CNTN1: variants seen among roughly 807,000 people sequenced by gnomAD.
CNTN1 encodes the protein contactin-1.
CNTN1 carries 38 observed loss-of-function variants against 126.4 expected under a neutral mutation model. The observed-to-expected ratio is 0.30, with a 90% CI of 0.23 to 0.39. CNTN1 has a LOEUF of 0.39. Ranked by LOEUF, CNTN1 falls within the 10% of genes least tolerant of loss-of-function variation. The probability of loss-of-function intolerance (pLI) is 1.00; values close to 1 mark genes in which losing one functional copy is unlikely to be tolerated. For missense variants in CNTN1, 1,009 were observed against 1,248.4 expected (o/e 0.81, Z 2.89); for synonymous variants, 413 against 422.6 (o/e 0.98, Z 0.28).
chr12:40,737,146 T>A (rs1012245602), intron 1 of CNTN1, among the ~76,000 whole-genome samples: 1 of 151,652 alleles, frequency 6.6e-6, no homozygotes, highest in Non-Finnish European at 1.5e-5. Context: ...ATATATAAAT[T>A]TTTTATCTTC....
At chr12:41,051,331 T>C (rs544865130) in intron 23 of CNTN1, among the ~76,000 whole-genome samples, 1 of 151,730 alleles carries the variant, frequency 6.6e-6, no homozygotes, top group East Asian at 1.9e-4. Context: ...TTTTTATTTT[T>C]TAGTAGAGAC....
In CNTN1 at chr12:40,932,412, C is replaced by G. The variant is rs138161283; in HGVS notation, c.704-1049C>G. Among the ~76,000 whole-genome samples, 12 of 152,102 alleles carry G rather than the reference C, an allele frequency of 7.9e-5. No homozygotes were observed. In the South Asian group the frequency reaches 2.1e-3, roughly 26 times the overall value. Reference sequence around the variant, plus strand: ...TGATTATGAGGCCTACCCAGTTATGCAGAACTGTGAGTCAATTAAACCTCT... The same window carrying G: ...TGATTATGAGGCCTACCCAGTTATGGAGAACTGTGAGTCAATTAAACCTCT... On this transcript the variant is annotated intron_variant, in intron 7 of 23. Transcript: ENST00000551295.
At chr12:41,067,693 C>T (rs989357374) in intron 23 of CNTN1, among the ~76,000 whole-genome samples, 30 of 150,380 alleles carry the variant, frequency 2.0e-4, no homozygotes, top group African/African-American at 7.1e-4. Context: ...GTGCAGCGCA[C>T]CAGCATGGCA....
At chr12:40,948,257 TC>T (rs1169643803) in intron 14 of CNTN1, among the ~76,000 whole-genome samples, 37 of 127,836 alleles carry the variant, frequency 2.9e-4, no homozygotes, top group African/African-American at 1.0e-3. Context: ...TTTCTTTCTT[TC>T]TTTTTTTTTT....
At chr12:40,969,496 A>G (rs1256808900) in intron 15 of CNTN1, among the ~76,000 whole-genome samples, 1 of 152,180 alleles carries the variant, frequency 6.6e-6, no homozygotes, top group Non-Finnish European at 1.5e-5. Flanking sequence ...AGCAAGGCAC[A>G]GTTCTAAATC....
intron 23 of CNTN1, among the ~76,000 whole-genome samples, chr12:41,044,164 TAAAA>T (rs937897784): frequency 4.2e-4 from 63 of 151,194 alleles, no homozygotes; most frequent in Middle Eastern, 6.8e-3. Context: ...ATAAAATAAA[TAAAA>T]AAATAAAATA....
intron 1 of CNTN1, among the ~76,000 whole-genome samples, chr12:40,830,899 C>G (rs1941800694): frequency 8.3e-6 from 1 of 120,476 alleles, no homozygotes; most frequent in Non-Finnish European, 1.7e-5. Context: ...TGATCTGTAA[C>G]TACCATAATC....
At position 40,834,716 on chromosome 12, in the gene CNTN1, A is replaced by G. The variant is rs76964025; in HGVS notation, c.-76-73641A>G. On this transcript the variant is annotated intron_variant, in intron 1 of 23. Transcript: ENST00000551295. Reference sequence around the variant, plus strand: ...TCGACAAGAACAATAGAAAACAACTACAATTGTCCCTTTGCTTGAACCTGA... The same window carrying G: ...TCGACAAGAACAATAGAAAACAACTGCAATTGTCCCTTTGCTTGAACCTGA... Among the ~76,000 whole-genome samples, 306 of 152,248 alleles carry G rather than the reference A, an allele frequency of 2.0e-3. 7 individuals carry two copies. In the East Asian group the frequency reaches 0.044, roughly 22 times the overall value.
intron 1 of CNTN1, among the ~76,000 whole-genome samples, chr12:40,896,638 C>A (rs1944424982): frequency 6.6e-6 from 1 of 152,204 alleles, no homozygotes; most frequent in Non-Finnish European, 1.5e-5. Context: ...CAAATTTCGA[C>A]AAAGAAAATA....
At chr12:41,043,321 C>A (rs1031323794) in intron 23 of CNTN1, among the ~76,000 whole-genome samples, 5 of 151,996 alleles carry the variant, frequency 3.3e-5, no homozygotes, top group African/African-American at 2.4e-5. Context: ...ACAAACAACC[C>A]CATCAAAAAG....
intron 1 of CNTN1, among the ~76,000 whole-genome samples, chr12:40,842,573 T>C (rs1486327240): frequency 1.3e-5 from 2 of 152,112 alleles, no homozygotes; most frequent in African/African-American, 2.4e-5. Context: ...ATTTTTAGTT[T>C]CCCTGAGGAG....
chr12:40,921,856 T>C (rs1158900945), intron 4 of CNTN1, among the ~76,000 whole-genome samples: 1 of 152,214 alleles, frequency 6.6e-6, no homozygotes, highest in Non-Finnish European at 1.5e-5. Context: ...TATTGATATT[T>C]TGTATTTTAT....
chr12:40,995,121 T>G (rs1948181456), intron 17 of CNTN1, among the ~76,000 whole-genome samples: 1 of 152,118 alleles, frequency 6.6e-6, no homozygotes, highest in South Asian at 2.1e-4. Context: ...GGCCCCTTAA[T>G]TTCAGAATTA....
chr12:40,892,474 TA>T (rs1342085945), intron 1 of CNTN1, among the ~76,000 whole-genome samples: 2 of 152,054 alleles, frequency 1.3e-5, no homozygotes, highest in African/African-American at 4.8e-5. Context: ...TGACTCCTAT[TA>T]AAATAAAAAT....
At chr12:40,704,482 T>C (rs1157601395) in intron 1 of CNTN1, among the ~76,000 whole-genome samples, 1 of 152,152 alleles carries the variant, frequency 6.6e-6, no homozygotes, top group Non-Finnish European at 1.5e-5. Flanking sequence ...TTTTTCATCT[T>C]CATCTTTTTC....
chr12:40,789,076 C>T (rs1273601430), intron 1 of CNTN1, among the ~76,000 whole-genome samples: 2 of 152,114 alleles, frequency 1.3e-5, no homozygotes, highest in East Asian at 3.9e-4. Context: ...CTTGCAGTTA[C>T]ATATTAATTG....
chr12:41,054,240 T>C (rs1415470379), intron 23 of CNTN1, among the ~76,000 whole-genome samples: 1 of 151,856 alleles, frequency 6.6e-6, no homozygotes, highest in East Asian at 1.9e-4. Flanking sequence ...TGCTAGGAGT[T>C]ATAGCATCGA....
In CNTN1 at chr12:41,025,221, G is replaced by C. The variant is rs145714777; in HGVS notation, c.2595G>C (p.Ser865=). ...NRVQVTSQEY[S]ARLENLLPDT... ...TTCAAGTCACCAGCCAAGAGTACTC[G>C]GCCAGGCTCGAGAACCTTCTGCCAG... The change falls in exon 21 of 24, where the codon TCG becomes TCC. Residue 865 remains serine (S), a synonymous_variant. Coordinates refer to ENST00000551295, the MANE Select transcript of CNTN1 (RefSeq NM_001843.4). 18 of 1,613,760 alleles carry C rather than the reference G, an allele frequency of 1.1e-5. No homozygotes were observed. The highest frequency in any genetic ancestry group is 6.7e-5 in the African/African-American group (5 of 74,862).
At chr12:40,948,082 T>G (rs187005720) in intron 14 of CNTN1, among the ~76,000 whole-genome samples, 24 of 151,850 alleles carry the variant, frequency 1.6e-4, no homozygotes, top group African/African-American at 5.5e-4. Flanking sequence ...GTTACTTCAC[T>G]GGGTTTGAAA....
Sources: allele counts gnomAD v4.1 joint callset (sites outside exome capture counted in the v4.1 genomes callset), GRCh38; gene constraint gnomAD v4.1.1; transcripts MANE v1.5; gene names NCBI Gene and HGNC (gene_info 2026-07-23, HGNC 2026-07-21).